PDZD2: variants seen among roughly 807,000 people sequenced by gnomAD.
The protein encoded by PDZD2 is PDZ domain-containing protein 2.
PDZD2 carries 90 observed loss-of-function variants against 220.7 expected under a neutral mutation model. The ratio of observed to expected loss-of-function variants is 0.41; its 90% CI spans 0.34 to 0.49. The LOEUF (loss-of-function observed/expected upper bound fraction) is 0.49. PDZD2 is among the 20% of genes least tolerant of loss of function. The pLI is 0.28. For missense variants in PDZD2, 3,174 were observed against 3,608.5 expected (o/e 0.88, Z 3.08); for synonymous variants, 1,375 against 1,450.5 (o/e 0.95, Z 1.18).
At chr5:31,923,249 G>A (rs970229735) in intron 2 of PDZD2, 4 of 487,826 alleles carry the variant, frequency 8.2e-6, no homozygotes, top group Non-Finnish European at 1.5e-5. Flanking sequence ...GGCAACAAGA[G>A]TGAAACTCCA....
chr5:32,011,018 A>AAAC (rs1196834571), intron 6 of PDZD2, among the ~76,000 whole-genome samples: 4 of 150,300 alleles, frequency 2.7e-5, no homozygotes, highest in African/African-American at 9.8e-5. Flanking sequence ...CAAAAAAAAA[A>AAAC]AAAACAACAA....
In PDZD2 at chr5:32,071,163, T is replaced by C. The variant is rs143814929; in HGVS notation, c.2534-221T>C. Among the ~76,000 whole-genome samples the C allele has an allele frequency of 4.6e-5, 7 of 152,252 alleles. No individual in the cohort carries two copies. The South Asian group carries it at 1.5e-3, about 32-fold the overall frequency. On this transcript the variant is annotated intron_variant, in intron 15 of 24. Transcript: ENST00000438447. ...TGGGATCATCATGCAGGTAGTAGCATCTGAGTTAGGGCTTGAAGCATCATG... is the reference window on the plus strand; with the variant it reads ...TGGGATCATCATGCAGGTAGTAGCACCTGAGTTAGGGCTTGAAGCATCATG...
chr5:31,908,331 G>A (rs918239388), intron 2 of PDZD2: 34 of 260,862 alleles, frequency 1.3e-4, no homozygotes, highest in African/African-American at 7.7e-4. Flanking sequence ...GCCACTGGTC[G>A]TCTCCCTTTA....
At chr5:31,689,353 A>ATATATATATTTTTTTTTTTTTTT in intron 1 of PDZD2, among the ~76,000 whole-genome samples, 1 of 35,120 alleles carries the variant, frequency 2.8e-5, no homozygotes, top group African/African-American at 2.1e-4. Context: ...ATATATATAT[A>ATATATATATTTTTTTTTTTTTTT]TTTTTTTTTT....
intron 2 of PDZD2, among the ~76,000 whole-genome samples, chr5:31,935,504 CA>C (rs1213236460): frequency 1.3e-5 from 2 of 152,146 alleles, no homozygotes; most frequent in Admixed American, 6.5e-5. Context: ...TACTTGTCTA[CA>C]ATGGAAGTTG....
chr5:31,823,650 A>G (rs892960858), intron 2 of PDZD2, among the ~76,000 whole-genome samples: 4 of 152,162 alleles, frequency 2.6e-5, no homozygotes, highest in African/African-American at 4.8e-5. Context: ...GGAAAAAGAT[A>G]CCTCAGGCCT....
intron 6 of PDZD2, among the ~76,000 whole-genome samples, chr5:32,025,845 C>T (rs1469778685): frequency 6.6e-6 from 1 of 151,820 alleles, no homozygotes; most frequent in East Asian, 2.0e-4. Flanking sequence ...AGTGATCCAC[C>T]TGCCTCAGTC....
intron 2 of PDZD2, among the ~76,000 whole-genome samples, chr5:31,923,799 C>G (rs1744504537): frequency 6.6e-6 from 1 of 152,212 alleles, no homozygotes; most frequent in East Asian, 1.9e-4. Context: ...TGAATGCACA[C>G]TCTGTACAGG....
Position 31,850,243 on chromosome 5 carries a change from T to TACACAC in PDZD2, c.476+50533_476+50538dup, listed in dbSNP as rs1554082942. ...ATATATAAGTATATATATATATATA[T>TACACAC]ACACACACACACACACACATATATA... On this transcript the variant is annotated intron_variant, in intron 2 of 24. Transcript: ENST00000438447. Among the ~76,000 whole-genome samples the TACACAC allele has an allele frequency of 3.3e-3, 400 of 122,230 alleles. 7 individuals are homozygous for TACACAC. Among genetic ancestry groups the TACACAC allele is most frequent in the African/African-American group, 9.1e-3 (303 of 33,212 alleles). The allele number at this position is 122,230 out of a possible 152,430, so 80.2% of individuals were successfully genotyped here.
intron 15 of PDZD2, 92 bp from the exon 16 acceptor site, chr5:32,071,292 G>T: frequency 1.1e-6 from 1 of 926,680 alleles, no homozygotes; most frequent in Admixed American, 1.7e-5. Context: ...TGTTTACTGT[G>T]TTTGCCGCCT....
At chr5:31,904,361 C>A (rs1742427203) in intron 2 of PDZD2, among the ~76,000 whole-genome samples, 1 of 152,038 alleles carries the variant, frequency 6.6e-6, no homozygotes, top group African/African-American at 2.4e-5. Context: ...ATGGATGAAG[C>A]CAAGAAAATA....
chr5:31,814,270 G>C (rs1755296995), intron 2 of PDZD2, among the ~76,000 whole-genome samples: 1 of 152,174 alleles, frequency 6.6e-6, no homozygotes, highest in African/African-American at 2.4e-5. Flanking sequence ...CAAATTATAT[G>C]TTGATGAAAA....
At position 31,968,855 on chromosome 5, in the gene PDZD2, A is replaced by G. The variant is rs1268697763; in HGVS notation, c.477-14300A>G. Among the ~76,000 whole-genome samples the G allele has an allele frequency of 2.7e-4, 8 of 29,482 alleles. No homozygotes were observed. In the South Asian group the frequency reaches 9.2e-3, roughly 34 times the overall value. The allele number at this position is 29,482 out of a possible 152,430, so 19.3% of individuals were successfully genotyped here. ...AATAAATTTCCGTTGTTAATAAGCT[A>G]CCCAGCCTACAGTAATTGTTACAGC... On this transcript the variant is annotated intron_variant, in intron 2 of 24. Transcript: ENST00000438447.
At position 32,108,196 on chromosome 5, in the gene PDZD2, T is replaced by TTAAG. The variant is rs1343068839; in HGVS notation, c.*64_*65insGTAA. 1 of 1,202,272 alleles carries TTAAG rather than the reference T, an allele frequency of 8.3e-7. No individual in the cohort carries two copies. The highest frequency in any genetic ancestry group is 2.4e-5 in the East Asian group (1 of 40,854). 74.5% of individuals were successfully genotyped at this position (1,202,272 alleles called of 1,614,324 possible). ...TCTTTAGCAAATCAGAGTGACTTCT[T>TTAAG]TAAACCACAGGTTGTTGAAATGGCC... On this transcript the variant is annotated 3_prime_UTR_variant, in exon 25 of 25. Coordinates refer to ENST00000438447, the MANE Select transcript of PDZD2 (RefSeq NM_178140.4).
chr5:32,072,681 A>G (rs909390834), intron 17 of PDZD2, among the ~76,000 whole-genome samples: 10 of 152,202 alleles, frequency 6.6e-5, no homozygotes, highest in African/African-American at 2.2e-4. Flanking sequence ...CAGTGAGCTG[A>G]GATCGCACCA....
intron 2 of PDZD2, among the ~76,000 whole-genome samples, chr5:31,816,188 T>C (rs1755439374): frequency 6.6e-6 from 1 of 150,690 alleles, no homozygotes; most frequent in African/African-American, 2.5e-5. Context: ...CTCGGGAGGC[T>C]GAGGCAGGAG....
chr5:31,859,251 T>C (rs1050509518), intron 2 of PDZD2, among the ~76,000 whole-genome samples: 3 of 152,214 alleles, frequency 2.0e-5, no homozygotes, highest in Admixed American at 6.5e-5. Context: ...CCCATTCTCT[T>C]GGCTGGCTCT....
At chr5:32,060,564 ACAGT>A (rs1310976597) in intron 13 of PDZD2, among the ~76,000 whole-genome samples, 3 of 152,174 alleles carry the variant, frequency 2.0e-5, no homozygotes, top group Non-Finnish European at 4.4e-5. Flanking sequence ...GTGATGGTTG[ACAGT>A]CAGACGGACC....
intron 1 of PDZD2, among the ~76,000 whole-genome samples, chr5:31,793,788 C>T (rs1054519474): frequency 2.0e-5 from 3 of 152,132 alleles, no homozygotes; most frequent in Non-Finnish European, 2.9e-5. Context: ...GCATGGGCAA[C>T]AGAGTGAAAC....
Sources: gnomAD v4.1 joint callset for allele counts (sites outside exome capture counted in the v4.1 genomes callset) on GRCh38, gnomAD v4.1.1 for gene constraint, MANE v1.5 for transcripts, NCBI Gene and HGNC (gene_info 2026-07-23, HGNC 2026-07-21) for gene names.